NRG1: variants seen among roughly 807,000 people sequenced by gnomAD.
The protein encoded by NRG1 is neuregulin 1, also known as pro-neuregulin-1, membrane-bound isoform.
NRG1 carries 18 observed loss-of-function variants against 63.8 expected under a neutral mutation model. The observed-to-expected ratio is 0.28, with a 90% CI of 0.19 to 0.42. The LOEUF (loss-of-function observed/expected upper bound fraction) is 0.42, where lower values mean the gene tolerates loss of function less well. NRG1 is among the 10% of genes least tolerant of loss of function. The pLI, the probability that NRG1 is intolerant of heterozygous loss-of-function variation, is 1.00. For missense variants in NRG1, 762 were observed against 814.7 expected, an observed-to-expected ratio of 0.94 and a Z score of 0.79; for synonymous variants, 302 against 301.3, an observed-to-expected ratio of 1.00 and a Z score of -0.02.
rs1019012450 is a variant in NRG1 at position 31,859,725 on chromosome 8, T to C, written c.37+220294T>C. 4.6e-5 allele frequency among the ~76,000 whole-genome samples: 7 copies of C among 152,384 alleles called. No homozygotes were observed. In the East Asian group the frequency reaches 9.6e-4, roughly 21 times the overall value. ...ACAAAAGCAAAGTGGTTCCTTATGA[T>C]TGGCTGAAACTCTTTGAGTTCTTGT... On this transcript the variant is annotated intron_variant, in intron 1 of 10. Transcript: ENST00000519301.
At chr8:31,790,241 A>G (rs912407748) in intron 1 of NRG1, among the ~76,000 whole-genome samples, 1 of 152,224 alleles carries the variant, frequency 6.6e-6, no homozygotes, top group African/African-American at 2.4e-5. Flanking sequence ...TAGAAAGGAT[A>G]TGGGACCCTA....
chr8:31,806,482 T>C (rs1037438562), intron 1 of NRG1, among the ~76,000 whole-genome samples: 11 of 152,128 alleles, frequency 7.2e-5, no homozygotes, highest in African/African-American at 2.7e-4. Context: ...CATTACAATG[T>C]GAAATTAAAA....
intron 5 of NRG1, among the ~76,000 whole-genome samples, chr8:32,618,281 C>T (rs1056844660): frequency 6.6e-6 from 1 of 151,764 alleles, no homozygotes; most frequent in Non-Finnish European, 1.5e-5. Context: ...AATAATTTCT[C>T]TCCTGTGTGA....
intron 1 of NRG1, among the ~76,000 whole-genome samples, chr8:32,451,608 C>T (rs887833961): frequency 1.3e-5 from 2 of 152,198 alleles, no homozygotes; most frequent in African/African-American, 4.8e-5. Context: ...ACTGCTCTGG[C>T]TTCGTAAAGA....
intron 6 of NRG1, among the ~76,000 whole-genome samples, chr8:32,732,024 T>A (rs73675555): frequency 0.036 from 5,443 of 152,266 alleles, 334 homozygotes; most frequent in African/African-American, 0.12. Flanking sequence ...CTCTTTTGTC[T>A]CTCTGCTTAG....
chr8:32,284,896 G>A (rs995515456), intron 1 of NRG1, among the ~76,000 whole-genome samples: 4 of 152,066 alleles, frequency 2.6e-5, no homozygotes, highest in Non-Finnish European at 4.4e-5. Context: ...TGAGCTTCCC[G>A]TCACTCTCTG....
At chr8:31,810,830 G>A (rs1822811821) in intron 1 of NRG1, among the ~76,000 whole-genome samples, 1 of 152,210 alleles carries the variant, frequency 6.6e-6, no homozygotes, top group Non-Finnish European at 1.5e-5. Flanking sequence ...TCCTCTGAGG[G>A]TGCTGAATCA....
intron 1 of NRG1, among the ~76,000 whole-genome samples, chr8:32,381,130 T>C (rs1049865713): frequency 2.0e-5 from 3 of 152,184 alleles, no homozygotes; most frequent in Admixed American, 2.0e-4. Context: ...GGGCTACACA[T>C]GGTCTCCTAA....
intron 1 of NRG1, among the ~76,000 whole-genome samples, chr8:32,228,117 C>T (rs564422948): frequency 3.3e-5 from 5 of 152,182 alleles, no homozygotes; most frequent in African/African-American, 9.6e-5. Flanking sequence ...CCTTGGATTT[C>T]TCCATTATGA....
rs569916108 is a variant in NRG1 at position 32,293,356 on chromosome 8, A to T, written c.38-302472A>T. ...ATGCAAAAATGGAGCAGAAGGGGTTATAGCTAAAAGGAATGCCAAGGGCCA... is the reference window on the plus strand; with the variant it reads ...ATGCAAAAATGGAGCAGAAGGGGTTTTAGCTAAAAGGAATGCCAAGGGCCA... On this transcript the variant is annotated intron_variant, in intron 1 of 10. Coordinates refer to the NRG1 transcript ENST00000519301. 7.5e-4 allele frequency among the ~76,000 whole-genome samples: 114 copies of T among 152,288 alleles called. No individual in the cohort carries two copies. The South Asian group carries it at 0.022, about 30-fold the overall frequency.
chr8:32,004,166 G>A (rs1159261314), intron 1 of NRG1, among the ~76,000 whole-genome samples: 1 of 151,826 alleles, frequency 6.6e-6, no homozygotes, highest in Non-Finnish European at 1.5e-5. Context: ...ACGACCTTCT[G>A]GGAAAGGGAA....
intron 1 of NRG1, among the ~76,000 whole-genome samples, chr8:31,657,283 G>A (rs117762578): frequency 0.017 from 2,594 of 152,092 alleles, 40 homozygotes; most frequent in Middle Eastern, 0.061. Context: ...AAAACCACAC[G>A]TTACAAATTT....
Position 32,727,941 on chromosome 8 carries a change from C to G in NRG1, c.503-8C>G, listed in dbSNP as rs376288366. On this transcript the variant is annotated splice_region_variant and splice_polypyrimidine_tract_variant and intron_variant, in intron 5 of 11. Coordinates refer to ENST00000356819, the Ensembl canonical transcript of NRG1. ...CATGTTAACCTTTCTCCTTTCTCTC[C>G]TCTTCAGCTACATCTACATCCACCA... is the stretch of plus-strand genomic sequence containing the variant. 1 of 1,613,480 alleles carries G rather than the reference C, an allele frequency of 6.2e-7. No homozygotes were observed. The highest frequency in any genetic ancestry group is 8.5e-7 in the Non-Finnish European group (1 of 1,179,664).
At chr8:32,734,490 T>G (rs960593704) in intron 6 of NRG1, among the ~76,000 whole-genome samples, 1 of 152,216 alleles carries the variant, frequency 6.6e-6, no homozygotes, top group Non-Finnish European at 1.5e-5. Context: ...CTAGAAGAGT[T>G]CTTTCTTTAG....
At chr8:32,200,315 T>A (rs1364335993) in intron 1 of NRG1, among the ~76,000 whole-genome samples, 1 of 152,222 alleles carries the variant, frequency 6.6e-6, no homozygotes, top group Non-Finnish European at 1.5e-5. Context: ...TTAATGCAGA[T>A]ACTGAATTTC....
chr8:31,744,577 C>G (rs1815661725), intron 1 of NRG1, among the ~76,000 whole-genome samples: 1 of 151,800 alleles, frequency 6.6e-6, no homozygotes, highest in African/African-American at 2.4e-5. Context: ...TTTGGTTGTC[C>G]CCAGAGGCTG....
At chr8:32,355,386 G>A (rs1418465284) in intron 1 of NRG1, among the ~76,000 whole-genome samples, 2 of 152,114 alleles carry the variant, frequency 1.3e-5, no homozygotes, top group Admixed American at 6.5e-5. Flanking sequence ...TTGAACCTGG[G>A]AGGTGGAGGT....
Position 32,742,669 on chromosome 8 carries a change from T to G in NRG1, c.633-6T>G, listed in dbSNP as rs1322985376. On this transcript the variant is annotated splice_region_variant and splice_polypyrimidine_tract_variant and intron_variant, in intron 6 of 11. Coordinates refer to ENST00000356819, the Ensembl canonical transcript of NRG1. The surrounding 1 kb of genome is among the most constrained non-coding windows in gnomAD (Gnocchi z 4.2). The stretch of plus-strand genomic sequence containing the variant: ...TCTACCATTGTTTTTTTGTTTCTTC[T>G]CTCAGGTGCCCAAATGAGTTTACTG... 6.2e-7 allele frequency: 1 copy of G among 1,613,388 alleles called. No individual in the cohort carries two copies. The highest frequency in any genetic ancestry group is 8.5e-7 in the Non-Finnish European group (1 of 1,179,426).
At chr8:32,275,804 A>G (rs1852040395) in intron 1 of NRG1, among the ~76,000 whole-genome samples, 1 of 152,076 alleles carries the variant, frequency 6.6e-6, no homozygotes, top group Non-Finnish European at 1.5e-5. Flanking sequence ...CCATGCCCCC[A>G]GATGATGCCC....
Sources: gnomAD v4.1 joint callset for allele counts (sites outside exome capture counted in the v4.1 genomes callset) on GRCh38, gnomAD v4.1.1 for gene constraint, Gnocchi (gnomAD v3.1) non-coding constraint, MANE v1.5 for transcripts, NCBI Gene and HGNC (gene_info 2026-07-23, HGNC 2026-07-21) for gene names.